VSTM2B: variants seen among roughly 807,000 people sequenced by gnomAD.
VSTM2B encodes V-set and transmembrane domain-containing protein 2B.
A neutral mutation model predicts 24.0 loss-of-function variants in VSTM2B; 24 were observed. That is an observed-to-expected ratio of 1.00 (90% CI 0.72 to 1.40). The LOEUF is 1.40. VSTM2B is among the 40% of genes most tolerant of loss of function. VSTM2B has a pLI of 0.00. For missense variants in VSTM2B, 399 were observed against 416.4 expected (o/e 0.96, Z 0.36); for synonymous variants, 226 against 194.4 (o/e 1.16, Z -1.35).
At chr19:29,528,090 C>T (rs1378486425) in intron 2 of VSTM2B, among the ~76,000 whole-genome samples, 1 of 152,194 alleles carries the variant, frequency 6.6e-6, no homozygotes, top group African/African-American at 2.4e-5. Context: ...TCCCAGTGAG[C>T]TGGGGGAGGA....
At chr19:29,544,599 T>C (rs1371299596) in intron 4 of VSTM2B, among the ~76,000 whole-genome samples, 1 of 131,018 alleles carries the variant, frequency 7.6e-6, no homozygotes, top group African/African-American at 3.0e-5. Flanking sequence ...AATGAGCAAA[T>C]TGGAATAAAA....
intron 4 of VSTM2B, among the ~76,000 whole-genome samples, chr19:29,547,530 G>A (rs2145495052): frequency 6.6e-6 from 1 of 152,302 alleles, no homozygotes; most frequent in South Asian, 2.1e-4. Flanking sequence ...TGCAACACCA[G>A]GCAATTGCCA....
chr19:29,551,211 C>T (rs183662456), intron 4 of VSTM2B, among the ~76,000 whole-genome samples: 23 of 152,328 alleles, frequency 1.5e-4, no homozygotes, highest in African/African-American at 5.5e-4. Flanking sequence ...AAGTCCCAGC[C>T]CATATGGGTA....
At chr19:29,538,109 C>T (rs1969935135) in intron 4 of VSTM2B, among the ~76,000 whole-genome samples, 2 of 152,342 alleles carry the variant, frequency 1.3e-5, no homozygotes, top group South Asian at 4.1e-4. Flanking sequence ...CTTTCTGGGC[C>T]TTTACAGGGC....
Position 29,560,703 on chromosome 19 carries a change from G to A in VSTM2B, c.770-3143G>A, listed in dbSNP as rs554845004. Among the ~76,000 whole-genome samples the A allele has an allele frequency of 7.2e-5, 11 of 152,248 alleles. No individual in the cohort carries two copies. The South Asian group carries it at 1.0e-3, about 14-fold the overall frequency. On this transcript the variant is annotated intron_variant, in intron 4 of 4. Transcript: ENST00000335523. Reference sequence around the variant, plus strand: ...TGGCAGGCTGGTTATTTCAATCAACGGTGTTTTGAAAATCTTGCAATTTAA... The same window carrying A: ...TGGCAGGCTGGTTATTTCAATCAACAGTGTTTTGAAAATCTTGCAATTTAA...
At chr19:29,542,587 A>C (rs973174249) in intron 4 of VSTM2B, among the ~76,000 whole-genome samples, 2 of 151,872 alleles carry the variant, frequency 1.3e-5, no homozygotes, top group African/African-American at 2.4e-5. Context: ...TGGGAGAATG[A>C]ATGGATGGAT....
chr19:29,535,576 T>C (rs10406512), intron 4 of VSTM2B, among the ~76,000 whole-genome samples: 49,656 of 151,998 alleles, frequency 0.33, 8,849 homozygotes, highest in East Asian at 0.52. Context: ...ATGGGTATGA[T>C]GGCTGTAGAG....
intron 4 of VSTM2B, among the ~76,000 whole-genome samples, chr19:29,553,818 A>ATTTCAG: frequency 6.6e-6 from 1 of 152,236 alleles, no homozygotes; most frequent in East Asian, 1.9e-4. Context: ...GGGGGAAAGA[A>ATTTCAG]TTTCAGAGCT....
chr19:29,558,838 A>G (rs1028554306), intron 4 of VSTM2B, among the ~76,000 whole-genome samples: 6 of 152,360 alleles, frequency 3.9e-5, no homozygotes, highest in Admixed American at 6.5e-5. Flanking sequence ...AAACCTGCAC[A>G]TCATGCACAA....
At position 29,527,236 on chromosome 19, in the gene VSTM2B, T is replaced by C; in HGVS notation, c.108T>C (p.Asp36=). Residue 36 remains aspartate (D), a synonymous_variant, in exon 2 of 5, where the codon GAT becomes GAC. Transcript: ENST00000335523. ...CTGCATTCACAGAAGTCCCCAAAGA[T>C]GTGACAGTACGGGAGGGAGACGACA... ...ADAAFTEVPK[D]VTVREGDDIE... 6.5e-7 allele frequency: 1 copy of C among 1,549,506 alleles called. No individual in the cohort carries two copies. Among genetic ancestry groups the C allele is most frequent in the Non-Finnish European group, 8.7e-7 (1 of 1,146,394 alleles).
chr19:29,554,121 A>T (rs544526461), intron 4 of VSTM2B, among the ~76,000 whole-genome samples: 16 of 152,306 alleles, frequency 1.1e-4, no homozygotes, highest in Non-Finnish European at 2.2e-4. Context: ...ACACATAATC[A>T]TCAGATTCTC....
chr19:29,557,345 A>T (rs1970433494), intron 4 of VSTM2B, among the ~76,000 whole-genome samples: 1 of 152,252 alleles, frequency 6.6e-6, no homozygotes, highest in African/African-American at 2.4e-5. Context: ...CATATGCAGA[A>T]AATTGAAACT....
At chr19:29,553,209 G>T (rs1430155572) in intron 4 of VSTM2B, among the ~76,000 whole-genome samples, 3 of 152,144 alleles carry the variant, frequency 2.0e-5, no homozygotes, top group African/African-American at 7.2e-5. Flanking sequence ...CATCAGGTTG[G>T]TGCCCTTCCA....
intron 1 of VSTM2B, 67 bp from the exon 2 acceptor site, chr19:29,527,144 C>A (rs1013299351): frequency 1.4e-6 from 2 of 1,398,478 alleles, no homozygotes; most frequent in East Asian, 2.6e-5. Context: ...CCGACTGCCT[C>A]GCTTTAGGTT....
chr19:29,558,465 G>A lies in VSTM2B; in HGVS notation c.770-5381G>A, dbSNP rs543169907. Among the ~76,000 whole-genome samples the A allele has an allele frequency of 1.4e-4, 22 of 152,174 alleles. No homozygotes were observed. In the East Asian group the frequency reaches 3.9e-3, roughly 27 times the overall value. On this transcript the variant is annotated intron_variant, in intron 4 of 4. Coordinates refer to ENST00000335523, the MANE Select transcript of VSTM2B (RefSeq NM_001146339.2). The stretch of plus-strand genomic sequence containing the variant: ...GCAAAGACATGGAATCAACCCAAAC[G>A]CCCATCAACCATAGACTGGATAAAG...
intron 4 of VSTM2B, among the ~76,000 whole-genome samples, chr19:29,558,357 T>G (rs950004700): frequency 6.6e-6 from 1 of 152,224 alleles, no homozygotes; most frequent in African/African-American, 2.4e-5. Flanking sequence ...ATCCCATTAC[T>G]GGGTATTTAC....
intron 4 of VSTM2B, among the ~76,000 whole-genome samples, chr19:29,543,721 G>A (rs1599889886): frequency 1.3e-5 from 2 of 152,330 alleles, no homozygotes; most frequent in South Asian, 4.1e-4. Context: ...CCAAGGTTGG[G>A]AAGATTGTAG....
In VSTM2B at chr19:29,554,812, G is replaced by A. The variant is rs139457743; in HGVS notation, c.770-9034G>A. 9.4e-3 allele frequency among the ~76,000 whole-genome samples: 1,437 copies of A among 152,184 alleles called. 11 individuals carry two copies. The highest frequency in any genetic ancestry group is 0.016 in the Non-Finnish European group (1,064 of 67,980). ...ACTTTAAGCCAACAAAGATCAAAAA[G>A]ACAAAGGGCATTACATAATGATAAA... On this transcript the variant is annotated intron_variant, in intron 4 of 4. Transcript: ENST00000335523.
chr19:29,560,165 G>T (rs568311936), intron 4 of VSTM2B, among the ~76,000 whole-genome samples: 1 of 152,080 alleles, frequency 6.6e-6, no homozygotes, highest in African/African-American at 2.4e-5. Flanking sequence ...CTTCACACCC[G>T]ATAATGTTCC....
Sources: allele counts gnomAD v4.1 joint callset (sites outside exome capture counted in the v4.1 genomes callset), GRCh38; gene constraint gnomAD v4.1.1; transcripts MANE v1.5; gene names NCBI Gene and HGNC (gene_info 2026-07-23, HGNC 2026-07-21).